Variants in IL18R1 observed in about 807,000 individuals in gnomAD.
IL18R1 encodes the protein interleukin-18 receptor 1.
In IL18R1, 40 loss-of-function variants were observed where a neutral mutation model predicts 48.5. The ratio of observed to expected loss-of-function variants is 0.82; its 90% CI spans 0.64 to 1.07. The LOEUF (loss-of-function observed/expected upper bound fraction) is 1.07. Ranked by LOEUF, IL18R1 falls within the 50% of genes least tolerant of loss-of-function variation. The pLI, the probability that IL18R1 is intolerant of heterozygous loss-of-function variation, is 0.00. For missense variants in IL18R1, 596 were observed against 633.7 expected (o/e 0.94, Z 0.64); for synonymous variants, 232 against 225.9 (o/e 1.03, Z -0.24).
At chr2:102,362,792 G>A in intron 2 of IL18R1, 74 bp downstream of exon 2, 4 of 848,218 alleles carry the variant, frequency 4.7e-6, no homozygotes, top group Admixed American at 2.4e-5. Context: ...TTTTTTTTAT[G>A]TGGTGGCTAC....
chr2:102,355,892 C>T lies in IL18R1; in HGVS notation c.-537C>T. 1 of 152,224 alleles carries T rather than the reference C, an allele frequency of 6.6e-6. No homozygotes were observed. The highest frequency in any genetic ancestry group is 1.9e-4 in the East Asian group (1 of 5,166). 9.4% of individuals were successfully genotyped at this position (152,224 alleles called of 1,614,324 possible). A position where few individuals can be genotyped will look rare whatever the true frequency, so the allele number is the denominator to read the frequency against. On this transcript the variant is annotated 5_prime_UTR_variant, in exon 1 of 11. Transcript: ENST00000233957. ...AAGGCGCTGGGTTTTCCAGCAGCAA[C>T]CTTTGGACCCCGCGATCCAGTAGCT... is the stretch of plus-strand genomic sequence containing the variant.
intron 5 of IL18R1, among the ~76,000 whole-genome samples, chr2:102,381,236 C>T (rs541692962): frequency 6.6e-6 from 1 of 152,212 alleles, no homozygotes; most frequent in Non-Finnish European, 1.5e-5. Flanking sequence ...TGTCTTGGCC[C>T]TGCAACCTGT....
intron 7 of IL18R1, among the ~76,000 whole-genome samples, chr2:102,385,423 A>G (rs1680170317): frequency 6.6e-6 from 1 of 152,216 alleles, no homozygotes; most frequent in Non-Finnish European, 1.5e-5. Flanking sequence ...TTGATAGTTA[A>G]ATAAGCCTAT....
At chr2:102,364,222 C>T (rs1678752561) in intron 2 of IL18R1, among the ~76,000 whole-genome samples, 1 of 152,146 alleles carries the variant, frequency 6.6e-6, no homozygotes. Context: ...CAAGCGAAAA[C>T]CTGAAAACCT....
chr2:102,390,632 A>T (rs2105123099), intron 9 of IL18R1, among the ~76,000 whole-genome samples: 1 of 152,248 alleles, frequency 6.6e-6, no homozygotes, highest in South Asian at 2.1e-4. Context: ...TACATAATGG[A>T]CGTGTAAGAA....
chr2:102,367,638 C>T (rs941641249), intron 2 of IL18R1, among the ~76,000 whole-genome samples, 187 bp from the exon 3 acceptor site: 1 of 151,924 alleles, frequency 6.6e-6, no homozygotes, highest in African/African-American at 2.4e-5. Flanking sequence ...TCTGAAAGTG[C>T]CTTATCCTTT....
intron 8 of IL18R1, among the ~76,000 whole-genome samples, chr2:102,389,608 G>A (rs938598921): frequency 1.3e-5 from 2 of 152,142 alleles, no homozygotes; most frequent in Non-Finnish European, 2.9e-5. Context: ...GGGCATTCAC[G>A]ATTTTTCCTA....
intron 1 of IL18R1, among the ~76,000 whole-genome samples, chr2:102,361,520 G>A (rs1204069110): frequency 1.3e-5 from 2 of 152,206 alleles, no homozygotes; most frequent in South Asian, 2.1e-4. Context: ...CTGAGAAGCT[G>A]CCATGCACTC....
At chr2:102,394,697 C>G (rs531904984) in intron 10 of IL18R1, 70 bp downstream of exon 10, 1 of 1,341,736 alleles carries the variant, frequency 7.5e-7, no homozygotes. Flanking sequence ...AGCTAGCCCC[C>G]AGAGAGCTAT....
intron 5 of IL18R1, among the ~76,000 whole-genome samples, chr2:102,377,469 C>T (rs1679656827): frequency 6.6e-6 from 1 of 152,180 alleles, no homozygotes; most frequent in Non-Finnish European, 1.5e-5. Context: ...CACCCGCCAC[C>T]ACTCCCGGCT....
chr2:102,384,905 CTTTGCTGAATGAAGAGGATGTAATTTA>C lies in IL18R1; in HGVS notation c.719_745del (p.Leu240_Tyr248del), dbSNP rs769853872. On this transcript the variant is annotated inframe_deletion, in exon 7 of 11. Coordinates refer to ENST00000233957, the MANE Select transcript of IL18R1 (RefSeq NM_003855.5). Reference sequence around the variant, plus strand: ...AAAAACGTAAGGCTCAACTGCTCTGCTTTGCTGAATGAAGAGGATGTAATTTATTGGATGTTCGGGGAAGAAAATGGA... The same window carrying C: ...AAAAACGTAAGGCTCAACTGCTCTGCTTGGATGTTCGGGGAAGAAAATGGA... The C allele has an allele frequency of 3.6e-5, 58 of 1,611,108 alleles. No individual in the cohort carries two copies. Among genetic ancestry groups the C allele is most frequent in the Non-Finnish European group, 4.7e-5 (55 of 1,177,842 alleles).
At chr2:102,393,500 T>G (rs908692817) in intron 9 of IL18R1, among the ~76,000 whole-genome samples, 1 of 152,210 alleles carries the variant, frequency 6.6e-6, no homozygotes, top group Non-Finnish European at 1.5e-5. Context: ...TTGGTGACCA[T>G]GAGTGCTATG....
Position 102,368,088 on chromosome 2 carries a change from C to A in IL18R1, c.302+20C>A, listed in dbSNP as rs184060009. On this transcript the variant is annotated intron_variant, in intron 3 of 10. Transcript: ENST00000233957. The stretch of plus-strand genomic sequence containing the variant: ...AATGAAGTGAGTAACCCTTTCTTTT[C>A]AAAATGTATTTCACAGCCCTCTTGT... 1 of 1,612,544 alleles carries A rather than the reference C, an allele frequency of 6.2e-7. No homozygotes were observed. Among genetic ancestry groups the A allele is most frequent in the East Asian group, 2.2e-5 (1 of 44,846 alleles).
chr2:102,389,323 C>T (rs1317990307), intron 8 of IL18R1, among the ~76,000 whole-genome samples: 4 of 152,300 alleles, frequency 2.6e-5, no homozygotes, highest in East Asian at 3.9e-4. Flanking sequence ...ACACAGCCTT[C>T]ACCACATTGT....
intron 5 of IL18R1, among the ~76,000 whole-genome samples, chr2:102,380,456 G>A (rs1191000169): frequency 1.3e-5 from 2 of 152,160 alleles, no homozygotes; most frequent in South Asian, 2.1e-4. Flanking sequence ...TCAAGCCGGT[G>A]TTGCTTCTTA....
rs372900182 is a variant in IL18R1, at chr2:102,393,982, A to G, written c.1112-487A>G. 1.9e-4 allele frequency among the ~76,000 whole-genome samples: 29 copies of G among 152,330 alleles called. 1 individual carries two copies. Among genetic ancestry groups the G allele is most frequent in the African/African-American group, 6.7e-4 (28 of 41,568 alleles). On this transcript the variant is annotated intron_variant, in intron 9 of 10. Coordinates refer to ENST00000233957, the MANE Select transcript of IL18R1 (RefSeq NM_003855.5). ...TGCTTTGCTTTTAAAAATAGATTGG[A>G]TGAAGCTAGAAGAGAGAGTGGTATC... is the stretch of plus-strand genomic sequence containing the variant.
rs532492664 is a variant in IL18R1, at chr2:102,380,581, C to G, written c.626-1039C>G. On this transcript the variant is annotated intron_variant, in intron 5 of 10. Transcript: ENST00000233957. ...AAATCCCAGGATAACCCAGACCTGA[C>G]TCTGAACTCCGGAGTCCACTGTGCT... Among the ~76,000 whole-genome samples, 493 of 152,336 alleles carry G rather than the reference C, an allele frequency of 3.2e-3. 2 individuals carry two copies. Among genetic ancestry groups the G allele is most frequent in the Middle Eastern group, 6.8e-3 (2 of 294 alleles).
Position 102,356,324 on chromosome 2 carries a change from T to C in IL18R1, c.-105T>C. 1.0e-6 allele frequency: 1 copy of C among 984,990 alleles called. No individual in the cohort carries two copies. The highest frequency in any genetic ancestry group is 1.7e-5 in the African/African-American group (1 of 57,224). 61.0% of individuals were successfully genotyped at this position (984,990 alleles called of 1,614,324 possible). A position where few individuals can be genotyped will look rare whatever the true frequency, so the allele number is the denominator to read the frequency against. ...GCTGCTTCTCACCTACTTTCTGAAC[T>C]TGGCCTCCGCAGTCGCGACCTGGCG... On this transcript the variant is annotated 5_prime_UTR_variant, in exon 1 of 11. Transcript: ENST00000233957.
At position 102,375,899 on chromosome 2, in the gene IL18R1, A is replaced by G; in HGVS notation, c.469-8A>G. ...TTAAAGTATTTTAACTTGTTTTATT[A>G]AAAACAGAACTGTAAAAAGCTACTA... On this transcript the variant is annotated splice_region_variant and splice_polypyrimidine_tract_variant and intron_variant, in intron 4 of 10. Coordinates refer to ENST00000233957, the MANE Select transcript of IL18R1 (RefSeq NM_003855.5). 6.5e-7 allele frequency: 1 copy of G among 1,540,432 alleles called. No individual in the cohort carries two copies. The highest frequency in any genetic ancestry group is 8.7e-7 in the Non-Finnish European group (1 of 1,148,474).
Sources: allele counts gnomAD v4.1 joint callset (sites outside exome capture counted in the v4.1 genomes callset), GRCh38; gene constraint gnomAD v4.1.1; transcripts MANE v1.5; gene names NCBI Gene and HGNC (gene_info 2026-07-23, HGNC 2026-07-21).